FAM53B: variants seen among roughly 807,000 people sequenced by gnomAD.
The protein encoded by FAM53B is family with sequence similarity 53 member B, also known as protein FAM53B.
Under a neutral mutation model 32.7 loss-of-function variants are expected in FAM53B, and 12 were observed. That is an observed-to-expected ratio of 0.37 (90% CI 0.24 to 0.59). FAM53B has a LOEUF of 0.59. Among genes scored for constraint, FAM53B ranks in the 20% least tolerant of loss-of-function variants. The probability of loss-of-function intolerance (pLI) is 0.72; values close to 1 mark genes in which losing one functional copy is unlikely to be tolerated. For synonymous variants in FAM53B, 234 were observed against 228.7 expected (o/e 1.02, Z -0.21); for missense variants, 477 against 577.7 (o/e 0.83, Z 1.79).
intron 4 of FAM53B, among the ~76,000 whole-genome samples, chr10:124,679,171 C>G (rs1564875624): frequency 6.6e-6 from 1 of 152,170 alleles, no homozygotes; most frequent in African/African-American, 2.4e-5. Flanking sequence ...CACCTGGGTA[C>G]CAGCCTACCC....
chr10:124,635,110 G>A (rs1949420577), intron 4 of FAM53B, among the ~76,000 whole-genome samples: 1 of 151,504 alleles, frequency 6.6e-6, no homozygotes, highest in Non-Finnish European at 1.5e-5. Flanking sequence ...TTTTGTTTTT[G>A]GAGACAGAGT....
chr10:124,704,626 G>A (rs1286363210), intron 2 of FAM53B, among the ~76,000 whole-genome samples: 1 of 152,336 alleles, frequency 6.6e-6, no homozygotes, highest in Admixed American at 6.5e-5. Flanking sequence ...GAATAGGGAG[G>A]CCAGTGGGGA....
rs1223399386 is a variant in FAM53B, at chr10:124,681,962, G to A, written c.551C>T (p.Ala184Val). The change falls in exon 4 of 5, where the codon GCA (alanine) becomes GTA (valine). Residue 184 changes from alanine to valine, a missense_variant. Ala to Val is a moderately conservative substitution (Grantham distance 64). Transcript: ENST00000337318. ...CCCTCCAAATCGGTGGTGGAGTCCTGCCTGGTCGCAGGGTGAGGAGAGCAC... is the reference window on the plus strand; with the variant it reads ...CCCTCCAAATCGGTGGTGGAGTCCTACCTGGTCGCAGGGTGAGGAGAGCAC... ...ANVLSSPCDQ[A>V]GLHHRFGGQP... is the part of the protein sequence containing the mutation. 6.2e-7 allele frequency: 1 copy of A among 1,614,052 alleles called. No individual in the cohort carries two copies. The highest frequency in any genetic ancestry group is 1.1e-5 in the South Asian group (1 of 91,088).
chr10:124,641,676 C>A (rs1949474528), intron 4 of FAM53B, among the ~76,000 whole-genome samples: 1 of 152,210 alleles, frequency 6.6e-6, no homozygotes, highest in Non-Finnish European at 1.5e-5. Flanking sequence ...GCACCACCCA[C>A]CCCCAACACA....
intron 3 of FAM53B, among the ~76,000 whole-genome samples, chr10:124,686,353 A>G (rs1949803155): frequency 6.6e-6 from 1 of 152,198 alleles, no homozygotes; most frequent in African/African-American, 2.4e-5. Flanking sequence ...TAAGGCCTAT[A>G]AGATTTCTTT....
At position 124,619,825 on chromosome 10, in the gene FAM53B, G is replaced by C. The variant is rs1398243814; in HGVS notation, c.*3417C>G. ...CTGCATCCCTGCCGGCTGACGTCTG[G>C]AGTGACCGTCATTCCAGTGACCACC... On this transcript the variant is annotated 3_prime_UTR_variant, in exon 5 of 5. Coordinates refer to ENST00000337318, the MANE Select transcript of FAM53B (RefSeq NM_014661.4). The C allele has an allele frequency of 6.6e-6, 1 of 152,634 alleles. No homozygotes were observed. Among genetic ancestry groups the C allele is most frequent in the Non-Finnish European group, 1.5e-5 (1 of 68,074 alleles). The allele number at this position is 152,634 out of a possible 1,614,324, so 9.5% of individuals were successfully genotyped here. A position where few individuals can be genotyped will look rare whatever the true frequency, so the allele number is the denominator to read the frequency against.
chr10:124,696,169 C>T lies in FAM53B; in HGVS notation c.122G>A (p.Cys41Tyr), dbSNP rs759031823. 3.1e-6 allele frequency: 5 copies of T among 1,614,020 alleles called. No homozygotes were observed. Among genetic ancestry groups the T allele is most frequent in the Middle Eastern group, 1.6e-4 (1 of 6,062 alleles). The change falls in exon 3 of 5, where the codon TGT becomes TAT. Residue 41 changes from cysteine (C) to tyrosine (Y), a missense_variant. Transcript: ENST00000337318. ...CCTTGAGTACTTACCCATAATTCCA[C>T]AAGAGAAAAGTGTAGGTCCTTGACT... ...KMSQGPTLFS[C>Y]GIMENDRWRD... is the part of the protein sequence containing the mutation.
intron 1 of FAM53B, among the ~76,000 whole-genome samples, chr10:124,739,237 C>G (rs1452687751): frequency 2.0e-5 from 3 of 152,226 alleles, no homozygotes; most frequent in African/African-American, 7.2e-5. Flanking sequence ...CAACCAGGCT[C>G]TGAAGGAATA....
At chr10:124,678,514 T>G (rs1017652430) in intron 4 of FAM53B, among the ~76,000 whole-genome samples, 1 of 152,204 alleles carries the variant, frequency 6.6e-6, no homozygotes. Flanking sequence ...TCTGGAGGCC[T>G]TCTGGTTTGT....
At chr10:124,690,546 C>T (rs1476637269) in intron 3 of FAM53B, among the ~76,000 whole-genome samples, 1 of 152,208 alleles carries the variant, frequency 6.6e-6, no homozygotes, top group Non-Finnish European at 1.5e-5. Flanking sequence ...GTGAGCCCAA[C>T]CTGGGTAAGA....
intron 2 of FAM53B, among the ~76,000 whole-genome samples, chr10:124,700,843 G>A (rs1949910668): frequency 6.6e-6 from 1 of 152,234 alleles, no homozygotes; most frequent in South Asian, 2.1e-4. Flanking sequence ...CAGAGCAACA[G>A]GGGGAGGCTC....
rs1949781154 is a variant in FAM53B, at chr10:124,682,726, T to C, written c.134-347A>G. Among the ~76,000 whole-genome samples, 1 of 152,180 alleles carries C rather than the reference T, an allele frequency of 6.6e-6. No homozygotes were observed. The highest frequency in any genetic ancestry group is 1.5e-5 in the Non-Finnish European group (1 of 68,030). Reference sequence around the variant, plus strand: ...TGTTTCTCATCTTATGGGTGGGAAATCGACTTGCCCTGAACCCTGCCCCTG... The same window carrying C: ...TGTTTCTCATCTTATGGGTGGGAAACCGACTTGCCCTGAACCCTGCCCCTG... On this transcript the variant is annotated intron_variant, in intron 3 of 4. Transcript: ENST00000337318. This position sits in a 1 kb window ranked among gnomAD's most constrained non-coding sequence, Gnocchi z 5.2.
At chr10:124,639,999 G>A (rs1949460211) in intron 4 of FAM53B, among the ~76,000 whole-genome samples, 1 of 151,966 alleles carries the variant, frequency 6.6e-6, no homozygotes, top group African/African-American at 2.4e-5. Flanking sequence ...CCACCACGCT[G>A]CACCTCACTG....
At chr10:124,695,968 C>T (rs1156441050) in intron 3 of FAM53B, among the ~76,000 whole-genome samples, 190 bp downstream of exon 3, 1 of 152,104 alleles carries the variant, frequency 6.6e-6, no homozygotes, top group Non-Finnish European at 1.5e-5. Context: ...AGTTGTAAAC[C>T]ACACACCAGT....
chr10:124,640,494 A>C (rs1464850810), intron 4 of FAM53B, among the ~76,000 whole-genome samples: 1 of 152,164 alleles, frequency 6.6e-6, no homozygotes, highest in Admixed American at 6.5e-5. Flanking sequence ...CAGAAAACCA[A>C]CCCAAAGGTG....
intron 4 of FAM53B, among the ~76,000 whole-genome samples, chr10:124,636,411 A>T (rs1949432281): frequency 6.6e-6 from 1 of 152,236 alleles, no homozygotes; most frequent in African/African-American, 2.4e-5. Flanking sequence ...ACATGCAAAC[A>T]TCAGGAGGGG....
chr10:124,731,935 T>C lies in FAM53B; in HGVS notation c.-175+12078A>G, dbSNP rs570987052. Among the ~76,000 whole-genome samples the C allele has an allele frequency of 1.1e-3, 167 of 152,268 alleles. 1 individual carries two copies. The highest frequency in any genetic ancestry group is 6.8e-3 in the Middle Eastern group (2 of 294). ...GAACGATGGCTTGTTTCTTCCTGCA[T>C]TTGGCATGAAGACCCAGCTCCCTCC... is the stretch of plus-strand genomic sequence containing the variant. On this transcript the variant is annotated intron_variant, in intron 1 of 4. Transcript: ENST00000337318.
intron 4 of FAM53B, among the ~76,000 whole-genome samples, chr10:124,643,958 TG>T (rs1276809315): frequency 6.6e-6 from 1 of 152,240 alleles, no homozygotes; most frequent in East Asian, 1.9e-4. Context: ...CTTGGGTCTC[TG>T]GAACATTCTA....
intron 4 of FAM53B, among the ~76,000 whole-genome samples, chr10:124,646,579 G>C (rs919106462): frequency 1.3e-5 from 2 of 152,222 alleles, no homozygotes; most frequent in African/African-American, 2.4e-5. Context: ...CGAGGTTCCC[G>C]ATAGGTGCAG....
Sources: allele counts gnomAD v4.1 joint callset (sites outside exome capture counted in the v4.1 genomes callset), GRCh38; gene constraint gnomAD v4.1.1; non-coding constraint Gnocchi (gnomAD v3.1); transcripts MANE v1.5; gene names NCBI Gene and HGNC (gene_info 2026-07-23, HGNC 2026-07-21).